TSHZ2: variants seen among roughly 807,000 people sequenced by gnomAD.
TSHZ2 encodes teashirt homolog 2.
In TSHZ2, 21 loss-of-function variants were observed where a neutral mutation model predicts 74.4. The observed-to-expected ratio is 0.28, with a 90% CI of 0.20 to 0.41. The LOEUF (loss-of-function observed/expected upper bound fraction) is 0.41, where lower values mean the gene tolerates loss of function less well. Ranked by LOEUF, TSHZ2 falls within the 10% of genes least tolerant of loss-of-function variation. TSHZ2 has a pLI of 1.00. For synonymous variants in TSHZ2, 540 were observed against 515.3 expected (o/e 1.05, Z -0.65); for missense variants, 1,244 against 1,293.5 (o/e 0.96, Z 0.59).
intron 1 of TSHZ2, among the ~76,000 whole-genome samples, chr20:53,166,768 C>G (rs1433601098): frequency 6.6e-6 from 1 of 151,898 alleles, no homozygotes; most frequent in East Asian, 1.9e-4. Context: ...GAGACTCTGT[C>G]TAAAAAATAA....
At chr20:53,399,226 C>A (rs1982564267) in intron 2 of TSHZ2, 1 of 152,150 alleles carries the variant, frequency 6.6e-6, no homozygotes, top group Non-Finnish European at 1.5e-5. Context: ...ATAATTTAAA[C>A]TTGTTTGTAT....
intron 2 of TSHZ2, among the ~76,000 whole-genome samples, chr20:53,331,718 T>C (rs1042714308): frequency 5.2e-5 from 7 of 134,446 alleles, no homozygotes; most frequent in African/African-American, 1.9e-4. Context: ...AGGAGACAGA[T>C]GGCAAACTCA....
rs1986393083 is a variant in TSHZ2, at chr20:53,489,557, A to C, written c.*2422A>C. 1 of 177,210 alleles carries C rather than the reference A, an allele frequency of 5.6e-6. No individual in the cohort carries two copies. Among genetic ancestry groups the C allele is most frequent in the Non-Finnish European group, 1.2e-5 (1 of 83,124 alleles). The allele number at this position is 177,210 out of a possible 1,614,324, so 11.0% of individuals were successfully genotyped here. On this transcript the variant is annotated 3_prime_UTR_variant, in exon 3 of 3. Coordinates refer to ENST00000371497, the MANE Select transcript of TSHZ2 (RefSeq NM_173485.6). ...CTTGCTCCAATGGGGGGAGGAGATCAATACAATTCCCAATTCCATGGAAAT... is the reference window on the plus strand; with the variant it reads ...CTTGCTCCAATGGGGGGAGGAGATCCATACAATTCCCAATTCCATGGAAAT...
chr20:53,055,237 T>C (rs1399899253), intron 1 of TSHZ2, among the ~76,000 whole-genome samples: 1 of 152,332 alleles, frequency 6.6e-6, no homozygotes, highest in Non-Finnish European at 1.5e-5. Flanking sequence ...TAATCATTCG[T>C]TGAGCATTTC....
intron 1 of TSHZ2, among the ~76,000 whole-genome samples, chr20:53,188,168 C>T (rs963304604): frequency 2.6e-5 from 4 of 152,150 alleles, no homozygotes; most frequent in Non-Finnish European, 4.4e-5. Context: ...AATTCCAATG[C>T]GACTTTGCAT....
In TSHZ2 at chr20:53,176,222, T is replaced by C. The variant is rs191882473; in HGVS notation, c.41-77277T>C. 3.9e-5 allele frequency among the ~76,000 whole-genome samples: 6 copies of C among 152,360 alleles called. No homozygotes were observed. In the East Asian group the frequency reaches 9.6e-4, roughly 24 times the overall value. On this transcript the variant is annotated intron_variant, in intron 1 of 2. Transcript: ENST00000371497. ...TCCTATTTTCTCTCCCTCTTTCTTT[T>C]ACCCGTTTTCCCCTCCTGTCTGTAT... is the stretch of plus-strand genomic sequence containing the variant.
chr20:53,171,553 T>C (rs1568793654), intron 1 of TSHZ2, among the ~76,000 whole-genome samples: 1 of 152,180 alleles, frequency 6.6e-6, no homozygotes, highest in Non-Finnish European at 1.5e-5. Flanking sequence ...AAATGTTTTT[T>C]TTTTCCTAAA....
At chr20:53,252,555 A>T (rs570800453) in intron 1 of TSHZ2, among the ~76,000 whole-genome samples, 1 of 152,208 alleles carries the variant, frequency 6.6e-6, no homozygotes, top group Non-Finnish European at 1.5e-5. Context: ...TTCCCTTTGC[A>T]CTGGCTCACT....
intron 2 of TSHZ2, among the ~76,000 whole-genome samples, chr20:53,378,086 A>C (rs2145634631): frequency 6.6e-6 from 1 of 152,282 alleles, no homozygotes; most frequent in South Asian, 2.1e-4. Context: ...CACGCCTGTA[A>C]TCCCAGCACT....
At position 53,074,165 on chromosome 20, in the gene TSHZ2, G is replaced by A. The variant is rs145306992; in HGVS notation, c.40+100832G>A. ...TCTTTTAAACTGCTGTTCAAATGTC[G>A]CCTTCTCAATGGAGCCCTCCTTGAC... On this transcript the variant is annotated intron_variant, in intron 1 of 2. Transcript: ENST00000371497. This position sits in a 1 kb window ranked among gnomAD's most constrained non-coding sequence, Gnocchi z 5.9. Among the ~76,000 whole-genome samples, 234 of 152,238 alleles carry A rather than the reference G, an allele frequency of 1.5e-3. No homozygotes were observed. Among genetic ancestry groups the A allele is most frequent in the East Asian group, 6.2e-3 (32 of 5,190 alleles).
intron 2 of TSHZ2, among the ~76,000 whole-genome samples, chr20:53,414,304 G>T (rs1983159189): frequency 6.6e-6 from 1 of 151,848 alleles, no homozygotes; most frequent in Non-Finnish European, 1.5e-5. Context: ...TTTTTTCCCA[G>T]GAAAACTTTT....
chr20:53,388,665 C>T (rs896327184), intron 2 of TSHZ2, among the ~76,000 whole-genome samples: 1 of 151,178 alleles, frequency 6.6e-6, no homozygotes, highest in African/African-American at 2.4e-5. Flanking sequence ...GCAACCTCTG[C>T]CTCCCAGGTT....
At chr20:53,114,536 G>C (rs1986618992) in intron 1 of TSHZ2, among the ~76,000 whole-genome samples, 2 of 152,214 alleles carry the variant, frequency 1.3e-5, no homozygotes, top group African/African-American at 4.8e-5. Context: ...TTCCAGTGCA[G>C]TCTGGTCAAA....
intron 1 of TSHZ2, among the ~76,000 whole-genome samples, chr20:53,031,810 A>G (rs1983649650): frequency 6.6e-6 from 1 of 152,184 alleles, no homozygotes; most frequent in South Asian, 2.1e-4. Flanking sequence ...ACTCAAGAGA[A>G]AATTTTTAGT....
chr20:53,056,369 G>A (rs1027109667), intron 1 of TSHZ2, among the ~76,000 whole-genome samples: 5 of 152,318 alleles, frequency 3.3e-5, no homozygotes, highest in Middle Eastern at 3.4e-3. Flanking sequence ...TGAACTGGAT[G>A]AGGAAAAGCC....
At chr20:53,396,458 A>C (rs1261032909) in intron 2 of TSHZ2, among the ~76,000 whole-genome samples, 1 of 152,192 alleles carries the variant, frequency 6.6e-6, no homozygotes, top group African/African-American at 2.4e-5. Context: ...TCAAAAAATG[A>C]AACAGTCAGC....
At chr20:53,471,984 T>G (rs1441287191) in intron 2 of TSHZ2, among the ~76,000 whole-genome samples, 1 of 152,016 alleles carries the variant, frequency 6.6e-6, no homozygotes, top group Non-Finnish European at 1.5e-5. Flanking sequence ...TTTGTATTTT[T>G]AGTAGAGACA....
chr20:53,417,309 T>C (rs1983304599), intron 2 of TSHZ2, among the ~76,000 whole-genome samples: 1 of 151,922 alleles, frequency 6.6e-6, no homozygotes. Context: ...TTGTTTGTTT[T>C]GTTTTGAGAA....
chr20:53,073,257 C>A (rs1014411207), intron 1 of TSHZ2, among the ~76,000 whole-genome samples: 1 of 150,308 alleles, frequency 6.7e-6, no homozygotes, highest in Non-Finnish European at 1.5e-5. Flanking sequence ...TTCATCTATC[C>A]TTCCATCCAT....
Sources: gnomAD v4.1 joint callset for allele counts (sites outside exome capture counted in the v4.1 genomes callset) on GRCh38, gnomAD v4.1.1 for gene constraint, Gnocchi (gnomAD v3.1) non-coding constraint, MANE v1.5 for transcripts, NCBI Gene and HGNC (gene_info 2026-07-23, HGNC 2026-07-21) for gene names.